Variants in DNAH17 observed in about 807,000 individuals in gnomAD.
DNAH17 encodes the protein dynein axonemal heavy chain 17.
In DNAH17, 376 loss-of-function variants were observed where a neutral mutation model predicts 485.6. The observed-to-expected ratio is 0.77, with a 90% CI of 0.71 to 0.84. The LOEUF (loss-of-function observed/expected upper bound fraction) is 0.84. Ranked by LOEUF, DNAH17 falls within the 40% of genes least tolerant of loss-of-function variation. The pLI is 0.00. For missense variants in DNAH17, 6,370 were observed against 5,839.3 expected (o/e 1.09, Z -2.96); for synonymous variants, 3,031 against 2,405.9 (o/e 1.26, Z -7.60).
chr17:78,426,917 C>A lies in DNAH17; in HGVS notation c.12771+9G>T. ...CCACGTCCCTGGGGCCGGGCTGACC[C>A]ATGTTTACCTTCAGCCCCAGGTTCA... is the stretch of plus-strand genomic sequence containing the variant. On this transcript the variant is annotated intron_variant, in intron 78 of 80. Transcript: ENST00000389840. 1 of 1,596,780 alleles carries A rather than the reference C, an allele frequency of 6.3e-7. No individual in the cohort carries two copies. Among genetic ancestry groups the A allele is most frequent in the East Asian group, 2.3e-5 (1 of 44,042 alleles).
intron 56 of DNAH17, among the ~76,000 whole-genome samples, chr17:78,465,861 C>T (rs2088421082): frequency 6.6e-6 from 1 of 151,682 alleles, no homozygotes; most frequent in Non-Finnish European, 1.5e-5. Context: ...TGAGGGGCGC[C>T]TCTGCCCAGC....
In DNAH17 at chr17:78,424,170, G is replaced by A; in HGVS notation, c.13142-17C>T. On this transcript the variant is annotated splice_polypyrimidine_tract_variant and intron_variant, in intron 80 of 80. Coordinates refer to ENST00000389840, the MANE Select transcript of DNAH17 (RefSeq NM_173628.4). ...AGCGAGCCCCTGCAGGGACAGTATG[G>A]CTGAGGGTCAGGTGTGCTGCCAGTA... 6.3e-7 allele frequency: 1 copy of A among 1,599,404 alleles called. No individual in the cohort carries two copies.
rs943720045 is a variant in DNAH17 at position 78,554,345 on chromosome 17, G to A, written c.2179-1540C>T. 4.9e-5 allele frequency among the ~76,000 whole-genome samples: 7 copies of A among 143,160 alleles called. No homozygotes were observed. In the East Asian group the frequency reaches 8.4e-4, roughly 17 times the overall value. 93.9% of individuals were successfully genotyped at this position (143,160 alleles called of 152,430 possible). A position where few individuals can be genotyped will look rare whatever the true frequency, so the allele number is the denominator to read the frequency against. ...ATCCCTACTTGGGAGGCCAAGGTGC[G>A]AGAATCGCTTGAACCCAGGAGGTGA... On this transcript the variant is annotated intron_variant, in intron 14 of 80. Coordinates refer to ENST00000389840, the MANE Select transcript of DNAH17 (RefSeq NM_173628.4).
At chr17:78,433,231 C>T (rs755520137) in intron 75 of DNAH17, among the ~76,000 whole-genome samples, 64 of 152,208 alleles carry the variant, frequency 4.2e-4, no homozygotes, top group Non-Finnish European at 6.3e-4. Context: ...AAGAACCGTG[C>T]GTGGTGAGCA....
chr17:78,487,131 G>A (rs987542315), intron 44 of DNAH17, among the ~76,000 whole-genome samples: 39 of 152,294 alleles, frequency 2.6e-4, no homozygotes, highest in African/African-American at 8.9e-4. Flanking sequence ...TGGCTCGTGT[G>A]GAGGTGGCCC....
intron 79 of DNAH17, among the ~76,000 whole-genome samples, chr17:78,426,249 C>T (rs934281757): frequency 6.6e-6 from 1 of 152,208 alleles, no homozygotes; most frequent in Non-Finnish European, 1.5e-5. Context: ...TGCGGCCTGG[C>T]TTGTTTTCCT....
chr17:78,429,837 CTT>C (rs2086612363), intron 75 of DNAH17, among the ~76,000 whole-genome samples: 1 of 152,192 alleles, frequency 6.6e-6, no homozygotes, highest in Non-Finnish European at 1.5e-5. Flanking sequence ...GTGAGTCTCC[CTT>C]CCACCCTGTG....
chr17:78,437,667 G>A lies in DNAH17; in HGVS notation c.12007C>T (p.His4003Tyr), dbSNP rs2086894134. The A allele has an allele frequency of 3.7e-6, 6 of 1,610,982 alleles. No individual in the cohort carries two copies. The highest frequency in any genetic ancestry group is 1.3e-5 in the African/African-American group (1 of 75,054). Residue 4003 changes from histidine (H) to tyrosine (Y), a missense_variant, in exon 74 of 81, where the codon CAC becomes TAC. Coordinates refer to ENST00000389840, the MANE Select transcript of DNAH17 (RefSeq NM_173628.4). Reference sequence around the variant, plus strand: ...TGGGTGAACAGGTCCAGGGCCTTGTGCAAGTTGGCGTGCATGCCCGTGGGG... The same window carrying A: ...TGGGTGAACAGGTCCAGGGCCTTGTACAAGTTGGCGTGCATGCCCGTGGGG... ...EPPTGMHANL[H>Y]KALDLFTQDT... is the part of the protein sequence containing the mutation.
chr17:78,450,614 C>T lies in DNAH17; in HGVS notation c.10899+68G>A, dbSNP rs370348097. ...TTTCTCCTTTCTCATGGTAGGGAGG[C>T]GCCGATCGCCCGTGGCCCAGCCTCC... On this transcript the variant is annotated intron_variant, in intron 67 of 80. Transcript: ENST00000389840. The T allele has an allele frequency of 1.7e-3, 2,559 of 1,540,448 alleles. 29 individuals are homozygous for T. Among genetic ancestry groups the T allele is most frequent in the South Asian group, 0.016 (1,373 of 84,418 alleles).
chr17:78,470,988 T>C (rs2088722561), intron 54 of DNAH17, among the ~76,000 whole-genome samples: 1 of 152,230 alleles, frequency 6.6e-6, no homozygotes, highest in Non-Finnish European at 1.5e-5. Context: ...GAATATGCCA[T>C]TTCCATGTAT....
intron 27 of DNAH17, among the ~76,000 whole-genome samples, chr17:78,509,593 G>C (rs563156591): frequency 1.7e-3 from 263 of 152,256 alleles, no homozygotes; most frequent in Non-Finnish European, 2.7e-3. Context: ...AACAGGCTGA[G>C]GAGAGAGATT....
chr17:78,440,831 GC>G (rs1236792820), intron 72 of DNAH17, among the ~76,000 whole-genome samples: 1 of 152,184 alleles, frequency 6.6e-6, no homozygotes, highest in African/African-American at 2.4e-5. Context: ...CACAGCAGCG[GC>G]CCCATTTTAC....
chr17:78,489,384 C>G (rs1377917916), intron 44 of DNAH17: 2 of 152,376 alleles, frequency 1.3e-5, no homozygotes, highest in African/African-American at 2.4e-5. Flanking sequence ...GCCCTACCCT[C>G]CAGCACTCCA....
chr17:78,472,073 G>A (rs1389747991), intron 54 of DNAH17, among the ~76,000 whole-genome samples: 1 of 152,192 alleles, frequency 6.6e-6, no homozygotes, highest in African/African-American at 2.4e-5. Context: ...CCTGTATCTA[G>A]GCCCGTCTAG....
intron 16 of DNAH17, among the ~76,000 whole-genome samples, chr17:78,544,752 G>A (rs11651181): frequency 0.18 from 24,098 of 130,836 alleles, 2,105 homozygotes; most frequent in Middle Eastern, 0.26. Context: ...AGTGAGCCGA[G>A]ATCACGCCAC....
In DNAH17 at chr17:78,515,038, C is replaced by G. The variant is rs774034341; in HGVS notation, c.3865-16G>C. 9.3e-6 allele frequency: 15 copies of G among 1,612,248 alleles called. No homozygotes were observed. Among genetic ancestry groups the G allele is most frequent in the Non-Finnish European group, 1.2e-5 (14 of 1,178,484 alleles). On this transcript the variant is annotated splice_polypyrimidine_tract_variant and intron_variant, in intron 25 of 80. Transcript: ENST00000389840. ...TGGTATTTACCTGAAACGAAAACAT[C>G]CCGTTTCTCCTTCCACTCTCATCAA...
Position 78,462,924 on chromosome 17 carries a change from C to G in DNAH17, c.9094G>C (p.Ala3032Pro), listed in dbSNP as rs1204182826. Residue 3032 changes from alanine (A) to proline (P), a missense_variant, in exon 57 of 81, where the codon GCC (alanine) becomes CCC (proline). By Grantham distance (27) the Ala-to-Pro change is conservative. Coordinates refer to ENST00000389840, the MANE Select transcript of DNAH17 (RefSeq NM_173628.4). ...EQIKLYQNLL[A>P]KKRTELVAKI... ...GCAACAAGTTCCGTTCTCTTCTTGG[C>G]CAGCAGGTTCTGGTACAGTTTGATC... 4 of 1,613,840 alleles carry G rather than the reference C, an allele frequency of 2.5e-6. No homozygotes were observed. The African/African-American group carries it at 5.3e-5, about 22-fold the overall frequency.
rs767809325 is a variant in DNAH17 at position 78,437,764 on chromosome 17, A to G, written c.11910T>C (p.Pro3970=). ...EDYRVFISAE[P]APSPETHIIP... is the part of the protein sequence containing the mutation. Reference sequence around the variant, plus strand: ...TGATGTGGGTCTCGGGGCTGGGGGCAGGCTCCGCGCTGATGAACACCCGGT... The same window carrying G: ...TGATGTGGGTCTCGGGGCTGGGGGCGGGCTCCGCGCTGATGAACACCCGGT... The change falls in exon 74 of 81, where the codon CCT becomes CCC. Residue 3970 remains proline (P), a synonymous_variant. Transcript: ENST00000389840. The G allele has an allele frequency of 5.0e-6, 8 of 1,612,560 alleles. No homozygotes were observed. The East Asian group carries it at 1.6e-4, about 31-fold the overall frequency.
chr17:78,450,024 A>G, intron 68 of DNAH17: 1 of 561,390 alleles, frequency 1.8e-6, no homozygotes, highest in East Asian at 3.0e-5. Context: ...CACCAGGGGA[A>G]GAGCAGGGAG....
Sources: allele counts gnomAD v4.1 joint callset (sites outside exome capture counted in the v4.1 genomes callset), GRCh38; gene constraint gnomAD v4.1.1; transcripts MANE v1.5; gene names NCBI Gene and HGNC (gene_info 2026-07-23, HGNC 2026-07-21).